TMEM38B: variants seen among roughly 807,000 people sequenced by gnomAD.
TMEM38B encodes the protein trimeric intracellular cation channel type B.
A neutral mutation model predicts 28.7 loss-of-function variants in TMEM38B; 24 were observed. That is an observed-to-expected ratio of 0.84 (90% CI 0.61 to 1.18). TMEM38B has a LOEUF of 1.18. Among genes scored for constraint, TMEM38B ranks in the 50% most tolerant of loss-of-function variants. The probability of loss-of-function intolerance (pLI) is 0.00; values close to 1 mark genes in which losing one functional copy is unlikely to be tolerated. For missense variants in TMEM38B, 380 were observed against 350.9 expected, an observed-to-expected ratio of 1.08 and a Z score of -0.66; for synonymous variants, 131 against 127.7, an observed-to-expected ratio of 1.03 and a Z score of -0.17.
chr9:105,764,623 A>T (rs1013540797), intron 5 of TMEM38B, among the ~76,000 whole-genome samples: 4 of 151,822 alleles, frequency 2.6e-5, no homozygotes, highest in African/African-American at 9.7e-5. Context: ...CTCATGGGTA[A>T]GAAGAATCAA....
In TMEM38B at chr9:105,773,921, A is replaced by T. The variant is rs758493279; in HGVS notation, c.717A>T (p.Thr239=). 22 of 1,613,788 alleles carry T rather than the reference A, an allele frequency of 1.4e-5. No individual in the cohort carries two copies. Among genetic ancestry groups the T allele is most frequent in the Non-Finnish European group, 1.7e-5 (20 of 1,179,760 alleles). ...STMTFAPFED[T]LSWMLFGWQQ... ...TGACATTTGCTCCTTTTGAGGATAC[A>T]TTGAGTTGGATGCTATTTGGCTGGC... The change falls in exon 6 of 6, where the codon ACA becomes ACT. Residue 239 remains threonine (T), a synonymous_variant. Transcript: ENST00000374692.
At chr9:105,758,601 G>A in intron 5 of TMEM38B, 3 of 962,258 alleles carry the variant, frequency 3.1e-6, no homozygotes, top group Middle Eastern at 4.2e-4. Context: ...AGGCAGGTGG[G>A]GATCAGAAAA....
intron 1 of TMEM38B, among the ~76,000 whole-genome samples, chr9:105,705,233 TAATA>T (rs1835611065): frequency 6.6e-6 from 1 of 152,236 alleles, no homozygotes; most frequent in African/African-American, 2.4e-5. Context: ...AAATTTTTCT[TAATA>T]AATCACTTTG....
At chr9:105,757,777 G>A (rs763426294) in intron 5 of TMEM38B, among the ~76,000 whole-genome samples, 9 of 152,056 alleles carry the variant, frequency 5.9e-5, no homozygotes, top group South Asian at 2.1e-4. Context: ...CAATTTCAGT[G>A]GACTGGTAAG....
At chr9:105,696,258 G>C (rs1429710507) in intron 1 of TMEM38B, among the ~76,000 whole-genome samples, 2 of 152,134 alleles carry the variant, frequency 1.3e-5, no homozygotes, top group East Asian at 3.9e-4. Context: ...TTTTGGAAAA[G>C]TTATTTTTCA....
intron 5 of TMEM38B, among the ~76,000 whole-genome samples, chr9:105,771,416 G>A (rs1420014371): frequency 6.6e-6 from 1 of 152,112 alleles, no homozygotes; most frequent in Non-Finnish European, 1.5e-5. Flanking sequence ...AGTCTTTTGG[G>A]AGTGGAGATT....
At position 105,708,294 on chromosome 9, in the gene TMEM38B, A is replaced by G. The variant is rs117422873; in HGVS notation, c.269+2541A>G. On this transcript the variant is annotated intron_variant, in intron 2 of 5. Transcript: ENST00000374692. ...AATGTGTAACAACTATTTGTATAGT[A>G]TTTACACTGTATTAGGTATTATAAA... Among the ~76,000 whole-genome samples, 17 of 152,360 alleles carry G rather than the reference A, an allele frequency of 1.1e-4. No individual in the cohort carries two copies. In the East Asian group the frequency reaches 3.1e-3, roughly 28 times the overall value.
rs146458101 is a variant in TMEM38B at position 105,730,249 on chromosome 9, T to C, written c.542+7628T>C. On this transcript the variant is annotated intron_variant, in intron 4 of 5. Coordinates refer to ENST00000374692, the MANE Select transcript of TMEM38B (RefSeq NM_018112.3). ...TAGCTCTTATTATTTTGAGATACGTTTCAGCAATACCTAGTTTATTGAGAG... is the reference window on the plus strand; with the variant it reads ...TAGCTCTTATTATTTTGAGATACGTCTCAGCAATACCTAGTTTATTGAGAG... 7.9e-3 allele frequency among the ~76,000 whole-genome samples: 1,209 copies of C among 152,284 alleles called. 9 individuals are homozygous for C. Among genetic ancestry groups the C allele is most frequent in the African/African-American group, 0.028 (1,148 of 41,570 alleles).
chr9:105,740,414 A>G (rs1837157419), intron 4 of TMEM38B, among the ~76,000 whole-genome samples: 1 of 151,708 alleles, frequency 6.6e-6, no homozygotes, highest in South Asian at 2.1e-4. Flanking sequence ...CCACAGGCAT[A>G]TGCCACTGTG....
chr9:105,772,522 G>T (rs1386436209), intron 5 of TMEM38B, among the ~76,000 whole-genome samples: 1 of 152,070 alleles, frequency 6.6e-6, no homozygotes, highest in African/African-American at 2.4e-5. Flanking sequence ...ATCAGGTTCT[G>T]CCTATTTCAG....
At chr9:105,766,273 T>C (rs531966051) in intron 5 of TMEM38B, among the ~76,000 whole-genome samples, 1 of 152,322 alleles carries the variant, frequency 6.6e-6, no homozygotes, top group Non-Finnish European at 1.5e-5. Flanking sequence ...TTGTTAATTA[T>C]TTGGTATTAT....
rs1221874440 is a variant in TMEM38B at position 105,723,138 on chromosome 9, AAGATT to A, written c.542+521_542+525del. Among the ~76,000 whole-genome samples, 3 of 152,174 alleles carry A rather than the reference AAGATT, an allele frequency of 2.0e-5. No individual in the cohort carries two copies. In the South Asian group the frequency reaches 6.2e-4, roughly 32 times the overall value. ...CTTAATTACAGATTAAAATAAGAGA[AAGATT>A]AGAGAAATAACCCATTGTGTGATAC... On this transcript the variant is annotated intron_variant, in intron 4 of 5. Transcript: ENST00000374692.
At chr9:105,740,923 T>C (rs995201308) in intron 4 of TMEM38B, among the ~76,000 whole-genome samples, 1 of 152,244 alleles carries the variant, frequency 6.6e-6, no homozygotes, top group African/African-American at 2.4e-5. Flanking sequence ...CAATGGTTTC[T>C]AAAGTTCTAA....
intron 5 of TMEM38B, among the ~76,000 whole-genome samples, chr9:105,765,267 T>C (rs1233519349): frequency 6.6e-6 from 1 of 152,240 alleles, no homozygotes; most frequent in Non-Finnish European, 1.5e-5. Context: ...TAGCATTTAA[T>C]ATTTATTGAC....
At chr9:105,709,868 C>T (rs1835833470) in intron 2 of TMEM38B, among the ~76,000 whole-genome samples, 1 of 152,172 alleles carries the variant, frequency 6.6e-6, no homozygotes, top group Non-Finnish European at 1.5e-5. Flanking sequence ...CATAACTTTT[C>T]CCACCTAAAT....
Position 105,694,742 on chromosome 9 carries a change from G to A in TMEM38B, c.82G>A (p.Val28Met). 2 of 1,612,552 alleles carry A rather than the reference G, an allele frequency of 1.2e-6. No individual in the cohort carries two copies. Among genetic ancestry groups the A allele is most frequent in the South Asian group, 2.2e-5 (2 of 91,034 alleles). Residue 28 changes from valine to methionine, a missense_variant, in exon 1 of 6, where the codon GTG becomes ATG. By Grantham distance (21) the Val-to-Met change is conservative. Coordinates refer to ENST00000374692, the MANE Select transcript of TMEM38B (RefSeq NM_018112.3). ...CTTTTTTGACATCGCGCACTATCTA[G>A]TGTCAGTGATGGCGGTGAAACGTCA... ...FPFFDIAHYLVSVMAVKRQPG... is the reference protein window; with the variant it reads ...FPFFDIAHYLMSVMAVKRQPG...
At chr9:105,750,748 A>G (rs914253992) in intron 5 of TMEM38B, among the ~76,000 whole-genome samples, 5 of 152,048 alleles carry the variant, frequency 3.3e-5, no homozygotes, top group African/African-American at 1.2e-4. Context: ...TTACCTCTAT[A>G]TTTTCTTCAA....
At chr9:105,766,003 A>G (rs1268445762) in intron 5 of TMEM38B, among the ~76,000 whole-genome samples, 1 of 152,018 alleles carries the variant, frequency 6.6e-6, no homozygotes, top group Admixed American at 6.6e-5. Context: ...GGGTTTCACC[A>G]TATTAGCCAG....
intron 2 of TMEM38B, among the ~76,000 whole-genome samples, chr9:105,706,230 C>G (rs2133554084): frequency 6.6e-6 from 1 of 152,254 alleles, no homozygotes; most frequent in East Asian, 1.9e-4. Context: ...AAGTATATCT[C>G]TTTCTTTTTT....
Sources: gnomAD v4.1 joint callset for allele counts (sites outside exome capture counted in the v4.1 genomes callset) on GRCh38, gnomAD v4.1.1 for gene constraint, MANE v1.5 for transcripts, NCBI Gene and HGNC (gene_info 2026-07-23, HGNC 2026-07-21) for gene names.